The following BBX variants were observed in gnomAD, a reference collection of about 807,000 sequenced individuals.
BBX encodes the protein BBX high mobility group box domain containing, also known as HMG box transcription factor BBX.
A neutral mutation model predicts 100.2 loss-of-function variants in BBX; 30 were observed. The ratio of observed to expected loss-of-function variants is 0.30; its 90% CI spans 0.22 to 0.41. BBX has a LOEUF of 0.41. BBX is among the 10% of genes least tolerant of loss of function. BBX has a pLI of 1.00. For missense variants in BBX, 1,023 were observed against 1,129.8 expected, an observed-to-expected ratio of 0.91 and a Z score of 1.35; for synonymous variants, 376 against 388.1, an observed-to-expected ratio of 0.97 and a Z score of 0.37.
chr3:107,585,885 C>A (rs1001524750), intron 2 of BBX, among the ~76,000 whole-genome samples: 1 of 152,138 alleles, frequency 6.6e-6, no homozygotes, highest in Non-Finnish European at 1.5e-5. Context: ...GAAAAAAGGT[C>A]AGTGACCCAT....
At chr3:107,758,515 A>G (rs972559775) in intron 10 of BBX, among the ~76,000 whole-genome samples, 1 of 152,118 alleles carries the variant, frequency 6.6e-6, no homozygotes, top group Non-Finnish European at 1.5e-5. Flanking sequence ...TATGGTAGAG[A>G]TGCCTTTGCT....
intron 2 of BBX, among the ~76,000 whole-genome samples, chr3:107,607,580 G>A (rs1305133737): frequency 1.3e-5 from 2 of 152,164 alleles, no homozygotes; most frequent in Admixed American, 6.5e-5. Flanking sequence ...ATATCTAGCA[G>A]TGGGATTGCT....
Position 107,810,438 on chromosome 3 carries a change from G to T in BBX, c.*4981G>T, listed in dbSNP as rs2071242100. The T allele has an allele frequency of 6.6e-6, 1 of 152,142 alleles. No homozygotes were observed. The allele number at this position is 152,142 out of a possible 1,614,324, so 9.4% of individuals were successfully genotyped here. On this transcript the variant is annotated 3_prime_UTR_variant, in exon 18 of 18. Transcript: ENST00000325805. The stretch of plus-strand genomic sequence containing the variant: ...CTCCAAAGATTTCCTGATAACTTGG[G>T]CCAGAGGTGGTTACTGAGTAACAAG...
intron 2 of BBX, among the ~76,000 whole-genome samples, chr3:107,600,092 CTA>C (rs1416445660): frequency 6.6e-6 from 1 of 152,160 alleles, no homozygotes; most frequent in East Asian, 1.9e-4. Flanking sequence ...GGAGGAGCCA[CTA>C]AAATTTAGAA....
chr3:107,669,053 G>T (rs1471890914), intron 3 of BBX, among the ~76,000 whole-genome samples: 2 of 152,070 alleles, frequency 1.3e-5, no homozygotes, highest in Non-Finnish European at 2.9e-5. Context: ...TAAATCTGTG[G>T]TCTTCAATGG....
chr3:107,623,369 A>G (rs2055928670), intron 2 of BBX, among the ~76,000 whole-genome samples: 1 of 152,172 alleles, frequency 6.6e-6, no homozygotes, highest in East Asian at 1.9e-4. Flanking sequence ...TTCTACCTCC[A>G]CAGAAATATT....
Position 107,773,362 on chromosome 3 carries a change from C to G in BBX, c.1641C>G (p.Thr547=). 2 of 1,614,070 alleles carry G rather than the reference C, an allele frequency of 1.2e-6. No individual in the cohort carries two copies. The highest frequency in any genetic ancestry group is 1.1e-5 in the South Asian group (1 of 91,080). The change falls in exon 11 of 18, where the codon ACC becomes ACG. Residue 547 remains threonine, a synonymous_variant. Transcript: ENST00000325805. This position sits in a 1 kb window ranked among gnomAD's most constrained non-coding sequence, Gnocchi z 4.1. ...KMSKEKSSDT[T]KESRPPDFIS... ...CAAAGGAGAAATCCTCAGACACCAC[C>G]AAAGAGTCAAGACCTCCAGATTTCA...
chr3:107,657,236 A>G (rs1333344574), intron 3 of BBX: 2 of 152,180 alleles, frequency 1.3e-5, no homozygotes, highest in Non-Finnish European at 2.9e-5. Flanking sequence ...TATGAGAGAC[A>G]TTATGAAGGT....
At chr3:107,726,636 C>T (rs964302200) in intron 5 of BBX, among the ~76,000 whole-genome samples, 4 of 152,056 alleles carry the variant, frequency 2.6e-5, no homozygotes, top group Non-Finnish European at 4.4e-5. Context: ...TTACTCCACT[C>T]ATATAGGTAG....
chr3:107,751,762 A>AC (rs56198042), intron 9 of BBX, among the ~76,000 whole-genome samples: 17,437 of 152,064 alleles, frequency 0.11, 1,361 homozygotes, highest in Non-Finnish European at 0.17. Flanking sequence ...CTCACTCACC[A>AC]CCCCCAATTT....
At chr3:107,602,947 T>TTTTTGTTTTG (rs148228256) in intron 2 of BBX, among the ~76,000 whole-genome samples, 3 of 151,464 alleles carry the variant, frequency 2.0e-5, no homozygotes, top group African/African-American at 7.3e-5. Context: ...TTCCAGTGTT[T>TTTTTGTTTTG]TTTTGTTTTG....
chr3:107,536,854 T>C (rs183109970), intron 2 of BBX, among the ~76,000 whole-genome samples: 52 of 152,226 alleles, frequency 3.4e-4, no homozygotes, highest in Admixed American at 3.1e-3. Context: ...GGCTAGTCAA[T>C]GTAAATATCT....
At chr3:107,554,832 G>A (rs1370931464) in intron 2 of BBX, among the ~76,000 whole-genome samples, 1 of 152,156 alleles carries the variant, frequency 6.6e-6, no homozygotes, top group Non-Finnish European at 1.5e-5. Flanking sequence ...ACTATGGGAG[G>A]CTGAGGCGGG....
In BBX at chr3:107,798,450, A is replaced by T. The variant is rs1365146685; in HGVS notation, c.2354-73A>T. 15 of 1,392,072 alleles carry T rather than the reference A, an allele frequency of 1.1e-5. No individual in the cohort carries two copies. In the Admixed American group the frequency reaches 2.6e-4, roughly 24 times the overall value. The allele number at this position is 1,392,072 out of a possible 1,614,324, so 86.2% of individuals were successfully genotyped here. A position where few individuals can be genotyped will look rare whatever the true frequency, so the allele number is the denominator to read the frequency against. Reference sequence around the variant, plus strand: ...ATTCAGACGGGTCAGAAATTTAGACATGTTTCCTTCTAAGAGCAATTTTGG... The same window carrying T: ...ATTCAGACGGGTCAGAAATTTAGACTTGTTTCCTTCTAAGAGCAATTTTGG... On this transcript the variant is annotated intron_variant, in intron 15 of 17. Transcript: ENST00000325805.
chr3:107,641,012 A>C (rs1229619934), intron 2 of BBX, among the ~76,000 whole-genome samples: 1 of 152,044 alleles, frequency 6.6e-6, no homozygotes, highest in South Asian at 2.1e-4. Context: ...TAATTTCCCA[A>C]ACAGTAAAAG....
At chr3:107,634,492 G>A (rs1474139465) in intron 2 of BBX, among the ~76,000 whole-genome samples, 1 of 152,144 alleles carries the variant, frequency 6.6e-6, no homozygotes, top group Non-Finnish European at 1.5e-5. Flanking sequence ...GTTGAACTGT[G>A]TTGTAGATTT....
intron 3 of BBX, among the ~76,000 whole-genome samples, chr3:107,665,944 C>T (rs989489602): frequency 6.6e-6 from 1 of 152,168 alleles, no homozygotes; most frequent in African/African-American, 2.4e-5. Context: ...TGGGACACCT[C>T]AACTCCAGGT....
intron 2 of BBX, among the ~76,000 whole-genome samples, chr3:107,606,680 A>G (rs1471904250): frequency 6.6e-6 from 1 of 151,944 alleles, no homozygotes; most frequent in Non-Finnish European, 1.5e-5. Flanking sequence ...TACCTTGTAG[A>G]TATATATATT....
intron 2 of BBX, among the ~76,000 whole-genome samples, chr3:107,630,103 G>A (rs930536673): frequency 9.9e-5 from 15 of 152,074 alleles, no homozygotes; most frequent in Non-Finnish European, 2.1e-4. Context: ...TATCCATAGC[G>A]GTTCTCAAGT....
Sources: allele counts gnomAD v4.1 joint callset (sites outside exome capture counted in the v4.1 genomes callset), GRCh38; gene constraint gnomAD v4.1.1; non-coding constraint Gnocchi (gnomAD v3.1); transcripts MANE v1.5; gene names NCBI Gene and HGNC (gene_info 2026-07-23, HGNC 2026-07-21).